Variants in STN1 observed in about 807,000 individuals in gnomAD.
STN1 encodes the protein CST complex subunit STN1.
In STN1, 29 loss-of-function variants were observed where a neutral mutation model predicts 45.5. The ratio of observed to expected loss-of-function variants is 0.64; its 90% CI spans 0.47 to 0.87. The LOEUF is 0.87. Ranked by LOEUF, STN1 falls within the 40% of genes least tolerant of loss-of-function variation. The probability of loss-of-function intolerance (pLI) is 0.00; values close to 1 mark genes in which losing one functional copy is unlikely to be tolerated. For missense variants in STN1, 376 were observed against 441.4 expected (o/e 0.85, Z 1.33); for synonymous variants, 148 against 159.0 (o/e 0.93, Z 0.52).
In STN1 at chr10:103,879,050, GAGGCTGCTCC is replaced by G. The variant is rs1168325112; in HGVS notation, c.*3624_*3633del. ...ATTTACAGCCAAGGTGCTGTTGGCT[GAGGCTGCTCC>G]CTGGGGGTGTGACTTCTGAGCACTT... On this transcript the variant is annotated 3_prime_UTR_variant, in exon 10 of 10. Coordinates refer to ENST00000224950, the MANE Select transcript of STN1 (RefSeq NM_024928.5). The G allele has an allele frequency of 6.6e-6, 1 of 152,320 alleles. No individual in the cohort carries two copies. The highest frequency in any genetic ancestry group is 1.5e-5 in the Non-Finnish European group (1 of 68,150). 9.4% of individuals were successfully genotyped at this position (152,320 alleles called of 1,614,324 possible). A position where few individuals can be genotyped will look rare whatever the true frequency, so the allele number is the denominator to read the frequency against.
intron 9 of STN1, among the ~76,000 whole-genome samples, chr10:103,883,095 T>A (rs1843081416): frequency 6.6e-6 from 1 of 152,220 alleles, no homozygotes; most frequent in Non-Finnish European, 1.5e-5. Context: ...GGATTCCCAA[T>A]CAAAGATTTT....
At chr10:103,915,336 C>T (rs1413874243) in intron 2 of STN1, among the ~76,000 whole-genome samples, 2 of 152,170 alleles carry the variant, frequency 1.3e-5, no homozygotes, top group African/African-American at 4.8e-5. Context: ...TCAAAACCCC[C>T]AACTCTCTAA....
rs1300691160 is a variant in STN1, at chr10:103,905,153, TC to T, written c.232del (p.Asp78MetfsTer7). ...GCAGTTTATAACTCCAGTGCTGTCA[TC>T]CACTGCAAGAGAAAAGCAAAAGGGT... ...ERDAFYSYGV[D>X]DSTGVINCIC... On this transcript the variant is annotated frameshift_variant and splice_region_variant, in exon 4 of 10. Coordinates refer to ENST00000224950, the MANE Select transcript of STN1 (RefSeq NM_024928.5). LOFTEE classifies it high-confidence loss of function. 6.2e-7 allele frequency: 1 copy of T among 1,613,832 alleles called. No homozygotes were observed. The highest frequency in any genetic ancestry group is 1.3e-5 in the African/African-American group (1 of 74,916).
At position 103,878,278 on chromosome 10, in the gene STN1, T is replaced by A. The variant is rs978461128; in HGVS notation, c.*4406A>T. On this transcript the variant is annotated 3_prime_UTR_variant, in exon 10 of 10. Coordinates refer to ENST00000224950, the MANE Select transcript of STN1 (RefSeq NM_024928.5). ...GAGAACTGGAGAATGTTTGCTCAGT[T>A]TCCCTCCTTTTCAGGGGAACCCTCT... The A allele has an allele frequency of 1.3e-5, 2 of 152,236 alleles. No individual in the cohort carries two copies. The highest frequency in any genetic ancestry group is 6.5e-5 in the Admixed American group (1 of 15,292). 9.4% of individuals were successfully genotyped at this position (152,236 alleles called of 1,614,324 possible). A position where few individuals can be genotyped will look rare whatever the true frequency, so the allele number is the denominator to read the frequency against.
At chr10:103,886,613 C>A (rs375182281) in intron 9 of STN1, among the ~76,000 whole-genome samples, 1 of 152,114 alleles carries the variant, frequency 6.6e-6, no homozygotes, top group South Asian at 2.1e-4. Context: ...CAATATTAAA[C>A]CAAGTAGAGG....
intron 4 of STN1, among the ~76,000 whole-genome samples, 182 bp downstream of exon 4, chr10:103,904,909 G>T (rs923785665): frequency 6.6e-6 from 1 of 152,194 alleles, no homozygotes; most frequent in Non-Finnish European, 1.5e-5. Flanking sequence ...AAAAGCAACT[G>T]GCTCTCCTAT....
At chr10:103,913,842 G>A (rs1258360163) in intron 2 of STN1, among the ~76,000 whole-genome samples, 1 of 151,806 alleles carries the variant, frequency 6.6e-6, no homozygotes, top group African/African-American at 2.4e-5. Context: ...TTGTGTTCCT[G>A]CTGTTCCACA....
intron 4 of STN1, among the ~76,000 whole-genome samples, chr10:103,903,706 G>A (rs1361279107): frequency 6.6e-6 from 1 of 152,160 alleles, no homozygotes; most frequent in African/African-American, 2.4e-5. Flanking sequence ...CCAGAACTAT[G>A]AGAAATAAAT....
At chr10:103,916,520 GAAAC>G (rs1843332272) in intron 2 of STN1, among the ~76,000 whole-genome samples, 2 of 152,264 alleles carry the variant, frequency 1.3e-5, no homozygotes, top group South Asian at 4.1e-4. Context: ...CATTTAACTG[GAAAC>G]AAACAAAACC....
At position 103,895,645 on chromosome 10, in the gene STN1, C is replaced by T. The variant is rs188848367; in HGVS notation, c.753+1903G>A. On this transcript the variant is annotated intron_variant, in intron 7 of 9. Coordinates refer to ENST00000224950, the MANE Select transcript of STN1 (RefSeq NM_024928.5). ...TCTCCTCGTATGAAACCATGGGTCA[C>T]TGGGCACATCAGGCTGTTGCCCAGA... 1.8e-3 allele frequency among the ~76,000 whole-genome samples: 268 copies of T among 152,304 alleles called. 4 individuals carry two copies. The highest frequency in any genetic ancestry group is 9.6e-4 in the East Asian group (5 of 5,192).
intron 7 of STN1, among the ~76,000 whole-genome samples, chr10:103,895,072 A>C (rs1448704171): frequency 6.6e-6 from 1 of 152,244 alleles, no homozygotes; most frequent in Non-Finnish European, 1.5e-5. Flanking sequence ...TTAGTCTCCC[A>C]GGAATCTATT....
At chr10:103,910,190 A>G (rs1564635341) in intron 3 of STN1, among the ~76,000 whole-genome samples, 1 of 152,172 alleles carries the variant, frequency 6.6e-6, no homozygotes, top group Non-Finnish European at 1.5e-5. Flanking sequence ...ACATAACCAC[A>G]TATTACCACG....
intron 2 of STN1, among the ~76,000 whole-genome samples, chr10:103,911,082 A>AT (rs376539230): frequency 0.063 from 9,328 of 148,242 alleles, 339 homozygotes; most frequent in African/African-American, 0.092. Context: ...TGGCAATAGC[A>AT]TTTTTTTTAA....
intron 4 of STN1, among the ~76,000 whole-genome samples, chr10:103,901,637 C>G (rs1843210788): frequency 6.6e-6 from 1 of 152,166 alleles, no homozygotes; most frequent in Non-Finnish European, 1.5e-5. Flanking sequence ...TGTGCATTAT[C>G]TAATTGAACA....
intron 6 of STN1, 150 bp downstream of exon 6, chr10:103,898,727 C>A (rs1302276563): frequency 2.7e-6 from 2 of 748,326 alleles, no homozygotes; most frequent in African/African-American, 3.5e-5. Context: ...GAAATTGAAG[C>A]ATAGAGAGGG....
intron 9 of STN1, among the ~76,000 whole-genome samples, chr10:103,886,294 T>C (rs777043429): frequency 6.6e-6 from 1 of 152,214 alleles, no homozygotes; most frequent in Non-Finnish European, 1.5e-5. Context: ...GTGAAATGAT[T>C]TGGTGATCAA....
chr10:103,902,062 A>C (rs1280599812), intron 4 of STN1, among the ~76,000 whole-genome samples: 1 of 152,218 alleles, frequency 6.6e-6, no homozygotes, highest in Non-Finnish European at 1.5e-5. Context: ...CATCAAAATC[A>C]ACCTAATATA....
chr10:103,917,274 A>AC (rs572015915), intron 2 of STN1, among the ~76,000 whole-genome samples, 188 bp downstream of exon 2: 100 of 152,018 alleles, frequency 6.6e-4, no homozygotes, highest in African/African-American at 2.3e-3. Flanking sequence ...AAAAAAAAAA[A>AC]AAAAAAAGAT....
rs746747175 is a variant in STN1 at position 103,882,794 on chromosome 10, G to C, written c.997C>G (p.Leu333Val). The change falls in exon 10 of 10, where the codon CTG becomes GTG. Residue 333 changes from leucine to valine, a missense_variant. Physicochemically the swap from Leu to Val is conservative, Grantham distance 32 (BLOSUM62 1). Transcript: ENST00000224950. ...TCGCTCAGGCCCGGGCGGATGCTCA[G>C]GCGAGCACAGGCCAAGATGTGCAGG... is the stretch of plus-strand genomic sequence containing the variant. ...HFLHILACAR[L>V]SIRPGLSEAV... 3.1e-6 allele frequency: 5 copies of C among 1,614,112 alleles called. No individual in the cohort carries two copies. The South Asian group carries it at 4.4e-5, about 14-fold the overall frequency.
Sources: gnomAD v4.1 joint callset for allele counts (sites outside exome capture counted in the v4.1 genomes callset) on GRCh38, gnomAD v4.1.1 for gene constraint, MANE v1.5 for transcripts, NCBI Gene and HGNC (gene_info 2026-07-23, HGNC 2026-07-21) for gene names.